Variants in KAZALD1 observed in about 807,000 individuals in gnomAD.
The protein encoded by KAZALD1 is Kazal type serine peptidase inhibitor domain 1, also known as kazal-type serine protease inhibitor domain-containing protein 1.
In KAZALD1, 31 loss-of-function variants were observed where a neutral mutation model predicts 27.7. The observed-to-expected ratio is 1.12, with a 90% confidence interval of 0.84 to 1.51. The LOEUF (loss-of-function observed/expected upper bound fraction) is 1.51. KAZALD1 is among the 40% of genes most tolerant of loss of function. KAZALD1 has a pLI of 0.00. For synonymous variants in KAZALD1, 179 were observed against 182.0 expected (o/e 0.98, Z 0.13); for missense variants, 444 against 408.9 (o/e 1.09, Z -0.74).
intron 2 of KAZALD1, 143 bp downstream of exon 2, chr10:101,063,246 C>G (rs544135566): frequency 2.9e-6 from 2 of 691,848 alleles, no homozygotes; most frequent in African/African-American, 1.9e-5. Flanking sequence ...AAACCCTGCT[C>G]TCGCTACTGG....
rs1282490681 is a variant in KAZALD1, at chr10:101,062,974, T to C, written c.382T>C (p.Cys128Arg). The C allele has an allele frequency of 1.2e-6, 2 of 1,601,412 alleles. No homozygotes were observed. The highest frequency in any genetic ancestry group is 8.5e-7 in the Non-Finnish European group (1 of 1,179,394). The change falls in exon 2 of 5, where the codon TGT becomes CGT. Residue 128 changes from cysteine to arginine, a missense_variant. Physicochemically the swap from Cys to Arg is radical, Grantham distance 180. Transcript: ENST00000370200. ...RGEVPEPLCACRSQSPLCGSD... is the reference protein window; with the variant it reads ...RGEVPEPLCARRSQSPLCGSD... The stretch of plus-strand genomic sequence containing the variant: ...AGAGGTGCCGGAACCTCTGTGTGCC[T>C]GTCGTTCGCAGAGTCCGCTCTGCGG...
chr10:101,063,079 G>A lies in KAZALD1; in HGVS notation c.487G>A (p.Ala163Thr). 2 of 1,567,220 alleles carry A rather than the reference G, an allele frequency of 1.3e-6. No homozygotes were observed. The highest frequency in any genetic ancestry group is 8.6e-7 in the Non-Finnish European group (1 of 1,158,956). Reference protein sequence around the residue: ...RARPDANLTVAHPGPCESGPQ... With the variant: ...RARPDANLTVTHPGPCESGPQ... ...TCGGCCCGATGCCAACCTCACTGTGGCACACCCGGGGCCCTGCGAATCGGG... is the reference window on the plus strand; with the variant it reads ...TCGGCCCGATGCCAACCTCACTGTGACACACCCGGGGCCCTGCGAATCGGG... Residue 163 changes from alanine (A) to threonine (T), a missense_variant, in exon 2 of 5, where the codon GCA (alanine) becomes ACA (threonine). Transcript: ENST00000370200.
chr10:101,064,801 CTT>C (rs1317176979), intron 4 of KAZALD1, 23 bp from the exon 5 acceptor site: 2 of 1,611,716 alleles, frequency 1.2e-6, no homozygotes, highest in African/African-American at 1.3e-5. Context: ...CCTGTTCTCT[CTT>C]CTTTGCCCAT....
intron 2 of KAZALD1, 132 bp downstream of exon 2, chr10:101,063,235 A>G: frequency 1.3e-6 from 1 of 757,750 alleles, no homozygotes; most frequent in African/African-American, 1.8e-5. Context: ...AGTCCAGTAT[A>G]AAACCCTGCT....
Position 101,066,176 on chromosome 10 carries a change from G to C in KAZALD1, c.*1256G>C, listed in dbSNP as rs1453127255. On this transcript the variant is annotated 3_prime_UTR_variant, in exon 5 of 5. Transcript: ENST00000370200. Reference sequence around the variant, plus strand: ...AAAGAATGAAAGCATAAGTCAGCGAGGCCGAGGCGCTGTGTGTAGATGGCG... The same window carrying C: ...AAAGAATGAAAGCATAAGTCAGCGACGCCGAGGCGCTGTGTGTAGATGGCG... The C allele has an allele frequency of 6.6e-5, 22 of 330,960 alleles. No individual in the cohort carries two copies. The highest frequency in any genetic ancestry group is 1.2e-4 in the Non-Finnish European group (20 of 166,242). The allele number at this position is 330,960 out of a possible 1,614,324, so 20.5% of individuals were successfully genotyped here. A position where few individuals can be genotyped will look rare whatever the true frequency, so the allele number is the denominator to read the frequency against.
In KAZALD1 at chr10:101,066,544, G is replaced by A. The variant is rs1298097359; in HGVS notation, c.*1624G>A. On this transcript the variant is annotated 3_prime_UTR_variant, in exon 5 of 5. Transcript: ENST00000370200. Reference sequence around the variant, plus strand: ...CAGGGCGCCCACAGAAGCAGAATCAGAGGGGTAGGCGGGGGTGGGGCGTGC... The same window carrying A: ...CAGGGCGCCCACAGAAGCAGAATCAAAGGGGTAGGCGGGGGTGGGGCGTGC... 2.2e-6 allele frequency: 1 copy of A among 450,972 alleles called. No homozygotes were observed. Among genetic ancestry groups the A allele is most frequent in the South Asian group, 1.6e-5 (1 of 64,370 alleles). The allele number at this position is 450,972 out of a possible 1,614,324, so 27.9% of individuals were successfully genotyped here. A position where few individuals can be genotyped will look rare whatever the true frequency, so the allele number is the denominator to read the frequency against.
chr10:101,065,084 G>GGATA lies in KAZALD1; in HGVS notation c.*167_*170dup. 1.6e-6 allele frequency: 1 copy of GGATA among 612,762 alleles called. No homozygotes were observed. The highest frequency in any genetic ancestry group is 2.8e-5 in the Admixed American group (1 of 36,236). The allele number at this position is 612,762 out of a possible 1,614,324, so 38.0% of individuals were successfully genotyped here. On this transcript the variant is annotated 3_prime_UTR_variant, in exon 5 of 5. Transcript: ENST00000370200. ...TTGACTCCAAGGTAGCAGTGTGGTA[G>GGATA]GATAGAGACAAAAGCTGGAGGAGGG...
In KAZALD1 at chr10:101,066,852, T is replaced by C; in HGVS notation, c.*1932T>C. ...GTTCAGGAGCAGCCTCCTAGCAGCC[T>C]CAGTTTTCCCCTCCCCGCCCTGCTG... On this transcript the variant is annotated 3_prime_UTR_variant, in exon 5 of 5. Coordinates refer to ENST00000370200, the MANE Select transcript of KAZALD1 (RefSeq NM_030929.5). The C allele has an allele frequency of 3.2e-6, 1 of 316,866 alleles. No individual in the cohort carries two copies. Among genetic ancestry groups the C allele is most frequent in the Non-Finnish European group, 6.1e-6 (1 of 162,790 alleles). The allele number at this position is 316,866 out of a possible 1,614,324, so 19.6% of individuals were successfully genotyped here. A position where few individuals can be genotyped will look rare whatever the true frequency, so the allele number is the denominator to read the frequency against.
At chr10:101,064,010 C>G (rs147022604) in intron 2 of KAZALD1, among the ~76,000 whole-genome samples, 1 of 152,324 alleles carries the variant, frequency 6.6e-6, no homozygotes, top group East Asian at 1.9e-4. Flanking sequence ...TGCATTGGGT[C>G]TGCATGAGGT....
At position 101,066,858 on chromosome 10, in the gene KAZALD1, T is replaced by A. The variant is rs147039490; in HGVS notation, c.*1938T>A. 599 of 316,656 alleles carry A rather than the reference T, an allele frequency of 1.9e-3. 2 individuals carry two copies. Among genetic ancestry groups the A allele is most frequent in the African/African-American group, 0.012 (535 of 45,780 alleles). The allele number at this position is 316,656 out of a possible 1,614,324, so 19.6% of individuals were successfully genotyped here. A position where few individuals can be genotyped will look rare whatever the true frequency, so the allele number is the denominator to read the frequency against. ...GAGCAGCCTCCTAGCAGCCTCAGTT[T>A]TCCCCTCCCCGCCCTGCTGGTTCAA... On this transcript the variant is annotated 3_prime_UTR_variant, in exon 5 of 5. Coordinates refer to ENST00000370200, the MANE Select transcript of KAZALD1 (RefSeq NM_030929.5).
chr10:101,064,610 A>G lies in KAZALD1; in HGVS notation c.782A>G (p.Gln261Arg), dbSNP rs200155920. Residue 261 changes from glutamine (Q) to arginine (R), a missense_variant, in exon 4 of 5, where the codon CAA becomes CGA. Gln to Arg is a conservative substitution (Grantham distance 43). Coordinates refer to ENST00000370200, the MANE Select transcript of KAZALD1 (RefSeq NM_030929.5). ...TGCCTTGGCCGCAATGCCCTGGGTCAAGTGGAGGCCCCTGCTAGCTTGACA... is the reference window on the plus strand; with the variant it reads ...TGCCTTGGCCGCAATGCCCTGGGTCGAGTGGAGGCCCCTGCTAGCTTGACA... Reference protein sequence around the residue: ...YRCLGRNALGQVEAPASLTVL... With the variant: ...YRCLGRNALGRVEAPASLTVL... The G allele has an allele frequency of 8.9e-5, 143 of 1,613,762 alleles. No individual in the cohort carries two copies. Among genetic ancestry groups the G allele is most frequent in the Middle Eastern group, 6.8e-4 (4 of 5,910 alleles).
rs927176711 is a variant in KAZALD1, at chr10:101,062,698, C to T, written c.106C>T (p.Pro36Ser). The T allele has an allele frequency of 6.5e-7, 1 of 1,536,140 alleles. No individual in the cohort carries two copies. Among genetic ancestry groups the T allele is most frequent in the Non-Finnish European group, 8.7e-7 (1 of 1,149,592 alleles). ...GACCGGCGCAAGGCCATCCCCAGGCCCAGATTACCTGCGGCGCGGCTGGAT... is the reference window on the plus strand; with the variant it reads ...GACCGGCGCAAGGCCATCCCCAGGCTCAGATTACCTGCGGCGCGGCTGGAT... ...PPTGARPSPG[P>S]DYLRRGWMRL... is the part of the protein sequence containing the mutation. Residue 36 changes from proline to serine, a missense_variant, in exon 2 of 5, where the codon CCA becomes TCA. Coordinates refer to ENST00000370200, the MANE Select transcript of KAZALD1 (RefSeq NM_030929.5).
At chr10:101,064,115 C>T (rs778169468) in intron 2 of KAZALD1, 146 bp from the exon 3 acceptor site, 18 of 755,046 alleles carry the variant, frequency 2.4e-5, no homozygotes, top group East Asian at 5.4e-5. Flanking sequence ...GTGTGTGTCA[C>T]GGTGTGTTTA....
Position 101,062,803 on chromosome 10 carries a change from A to G in KAZALD1, c.211A>G (p.Arg71Gly). The change falls in exon 2 of 5, where the codon AGG becomes GGG. Residue 71 changes from arginine (R) to glycine (G), a missense_variant. By Grantham distance (125) the Arg-to-Gly change is moderately radical (BLOSUM62 -2). Coordinates refer to ENST00000370200, the MANE Select transcript of KAZALD1 (RefSeq NM_030929.5). The stretch of plus-strand genomic sequence containing the variant: ...CGCGCCGCGGGGCTGCCTGGCGGGC[A>G]GGGTGCGCGACGCGTGCGGCTGCTG... ...CAAPRGCLAGRVRDACGCCWE... is the reference protein window; with the variant it reads ...CAAPRGCLAGGVRDACGCCWE... 2.5e-6 allele frequency: 4 copies of G among 1,577,586 alleles called. No individual in the cohort carries two copies. Among genetic ancestry groups the G allele is most frequent in the Non-Finnish European group, 3.4e-6 (4 of 1,169,172 alleles).
rs1169852161 is a variant in KAZALD1, at chr10:101,064,407, C to T, written c.658C>T (p.His220Tyr). 2 of 1,614,090 alleles carry T rather than the reference C, an allele frequency of 1.2e-6. No individual in the cohort carries two copies. The highest frequency in any genetic ancestry group is 2.7e-5 in the African/African-American group (2 of 74,924). The change falls in exon 3 of 5, where the codon CAC (histidine) becomes TAC (tyrosine). Residue 220 changes from histidine (H) to tyrosine (Y), a missense_variant. His to Tyr is a moderately conservative substitution (Grantham distance 83). Coordinates refer to ENST00000370200, the MANE Select transcript of KAZALD1 (RefSeq NM_030929.5). ...CATCCAGCTGCCAGGGGATGACCCC[C>T]ACATCTCTGTGCAGGTAGACTGGTG... ...LDIQLPGDDP[H>Y]ISVQFRGGPQ...
Position 101,064,611 on chromosome 10 carries a change from A to C in KAZALD1, c.783A>C (p.Gln261His). 1 of 1,613,876 alleles carries C rather than the reference A, an allele frequency of 6.2e-7. No homozygotes were observed. Among genetic ancestry groups the C allele is most frequent in the Non-Finnish European group, 8.5e-7 (1 of 1,180,012 alleles). Residue 261 changes from glutamine to histidine, a missense_variant, in exon 4 of 5, where the codon CAA becomes CAC. Coordinates refer to ENST00000370200, the MANE Select transcript of KAZALD1 (RefSeq NM_030929.5). ...GCCTTGGCCGCAATGCCCTGGGTCA[A>C]GTGGAGGCCCCTGCTAGCTTGACAG... ...YRCLGRNALG[Q>H]VEAPASLTVL...
chr10:101,064,169 C>A, intron 2 of KAZALD1, 92 bp from the exon 3 acceptor site: 1 of 1,379,174 alleles, frequency 7.3e-7, no homozygotes. Context: ...CTGCCACAAG[C>A]ATGTCCACAA....
At chr10:101,064,024 A>G (rs549522183) in intron 2 of KAZALD1, among the ~76,000 whole-genome samples, 23 of 152,254 alleles carry the variant, frequency 1.5e-4, no homozygotes, top group Admixed American at 4.6e-4. Context: ...ATGAGGTTCT[A>G]TGTGCACATG....
rs1490380185 is a variant in KAZALD1 at position 101,066,721 on chromosome 10, A to G, written c.*1801A>G. On this transcript the variant is annotated 3_prime_UTR_variant, in exon 5 of 5. Transcript: ENST00000370200. ...CGGGCCCATAGCTCCTACCGCGTCCACCTGCAGAGCAGAGGCTCCTCACCA... is the reference window on the plus strand; with the variant it reads ...CGGGCCCATAGCTCCTACCGCGTCCGCCTGCAGAGCAGAGGCTCCTCACCA... 10 of 350,676 alleles carry G rather than the reference A, an allele frequency of 2.9e-5. No homozygotes were observed. Among genetic ancestry groups the G allele is most frequent in the Non-Finnish European group, 5.7e-5 (10 of 176,632 alleles). The allele number at this position is 350,676 out of a possible 1,614,324, so 21.7% of individuals were successfully genotyped here.
Sources: gnomAD v4.1 joint callset for allele counts (sites outside exome capture counted in the v4.1 genomes callset) on GRCh38, gnomAD v4.1.1 for gene constraint, MANE v1.5 for transcripts, NCBI Gene and HGNC (gene_info 2026-07-23, HGNC 2026-07-21) for gene names.